The following ADAM9 variants were observed in gnomAD, a reference collection of about 807,000 sequenced individuals.
The protein encoded by ADAM9 is ADAM metallopeptidase domain 9, also known as disintegrin and metalloproteinase domain-containing protein 9.
In ADAM9, 54 loss-of-function variants were observed where a neutral mutation model predicts 108.1. The ratio of observed to expected loss-of-function variants is 0.50; its 90% CI spans 0.40 to 0.63. The LOEUF is 0.63. Among genes scored for constraint, ADAM9 ranks in the 20% least tolerant of loss-of-function variants. The probability of loss-of-function intolerance (pLI) is 0.00; values close to 1 mark genes in which losing one functional copy is unlikely to be tolerated. For synonymous variants in ADAM9, 316 were observed against 336.0 expected (o/e 0.94, Z 0.65); for missense variants, 830 against 997.7 (o/e 0.83, Z 2.26).
chr8:39,059,928 C>T (rs781131883), intron 14 of ADAM9, among the ~76,000 whole-genome samples: 3 of 152,188 alleles, frequency 2.0e-5, no homozygotes, highest in Non-Finnish European at 4.4e-5. Context: ...GGAGCAGGGG[C>T]ATGTGGGGCA....
chr8:38,999,249 T>C lies in ADAM9; in HGVS notation c.97+2089T>C, dbSNP rs566607690. 4.9e-4 allele frequency among the ~76,000 whole-genome samples: 75 copies of C among 152,236 alleles called. No individual in the cohort carries two copies. The South Asian group carries it at 8.7e-3, about 18-fold the overall frequency. On this transcript the variant is annotated intron_variant, in intron 1 of 21. Coordinates refer to ENST00000487273, the MANE Select transcript of ADAM9 (RefSeq NM_003816.3). ...TACATTAGGAGTTAATTAGGTTTTA[T>C]AGGATTTTTACTACCTTTTATAACA...
intron 14 of ADAM9, among the ~76,000 whole-genome samples, chr8:39,069,714 A>G (rs530861251): frequency 6.6e-4 from 100 of 152,324 alleles, no homozygotes; most frequent in Non-Finnish European, 1.2e-3. Flanking sequence ...ACATTGTTAA[A>G]GGAAAATAAC....
At chr8:39,082,390 A>T (rs925431894) in intron 16 of ADAM9, among the ~76,000 whole-genome samples, 23 of 152,262 alleles carry the variant, frequency 1.5e-4, no homozygotes, top group Middle Eastern at 3.4e-3. Context: ...ACATGGAAGG[A>T]TAGATAATAG....
chr8:39,048,609 A>C (rs1233726613), intron 12 of ADAM9, among the ~76,000 whole-genome samples: 1 of 152,104 alleles, frequency 6.6e-6, no homozygotes, highest in East Asian at 1.9e-4. Flanking sequence ...AGTGTTGTTC[A>C]AGTCCTGTGT....
At chr8:39,045,393 TACAC>T (rs1198758196) in intron 12 of ADAM9, among the ~76,000 whole-genome samples, 3 of 146,254 alleles carry the variant, frequency 2.1e-5, no homozygotes, top group African/African-American at 2.6e-5. Flanking sequence ...TAGGTGTGTG[TACAC>T]ACACCTATAT....
chr8:39,037,829 T>C (rs1258966805), intron 11 of ADAM9, among the ~76,000 whole-genome samples: 3 of 152,252 alleles, frequency 2.0e-5, no homozygotes, highest in Non-Finnish European at 4.4e-5. Context: ...CTTCTTTGTT[T>C]ATCAAATAAT....
intron 1 of ADAM9, among the ~76,000 whole-genome samples, chr8:39,000,118 G>A (rs113260399): frequency 1.8e-3 from 275 of 151,408 alleles, no homozygotes; most frequent in African/African-American, 6.3e-3. Context: ...TTCACCTCCC[G>A]AGTTCAAGCA....
intron 14 of ADAM9, among the ~76,000 whole-genome samples, chr8:39,063,709 A>G (rs909922388): frequency 6.6e-5 from 10 of 152,156 alleles, no homozygotes; most frequent in Non-Finnish European, 1.2e-4. Context: ...GCAACAGAGC[A>G]AGACTCTGTC....
intron 12 of ADAM9, among the ~76,000 whole-genome samples, chr8:39,045,592 G>A (rs546704842): frequency 7.0e-6 from 1 of 142,192 alleles, no homozygotes; most frequent in African/African-American, 3.0e-5. Context: ...ATATATAAAA[G>A]ATTTTTCTCA....
intron 14 of ADAM9, among the ~76,000 whole-genome samples, chr8:39,064,807 A>G (rs1838404688): frequency 6.6e-6 from 1 of 152,168 alleles, no homozygotes; most frequent in Non-Finnish European, 1.5e-5. Context: ...TTTGGACTAA[A>G]TACTTGATTG....
intron 16 of ADAM9, among the ~76,000 whole-genome samples, chr8:39,079,741 T>C (rs1346353836): frequency 6.6e-6 from 1 of 152,112 alleles, no homozygotes; most frequent in East Asian, 1.9e-4. Context: ...TCTGCCACCA[T>C]GTCTGGCTAA....
rs200590232 is a variant in ADAM9 at position 39,045,183 on chromosome 8, T to C, written c.1302+3066T>C. 3.5e-4 allele frequency among the ~76,000 whole-genome samples: 40 copies of C among 112,792 alleles called. 1 individual carries two copies. In the East Asian group the frequency reaches 3.7e-3, roughly 10 times the overall value. The allele number at this position is 112,792 out of a possible 152,430, so 74.0% of individuals were successfully genotyped here. Reference sequence around the variant, plus strand: ...ACATACATATATGTGTATATATGTGTATACATACATATATGTGTATATATG... The same window carrying C: ...ACATACATATATGTGTATATATGTGCATACATACATATATGTGTATATATG... On this transcript the variant is annotated intron_variant, in intron 12 of 21. Transcript: ENST00000487273.
Position 39,072,391 on chromosome 8 carries a change from C to G in ADAM9, c.1697+988C>G, listed in dbSNP as rs536347799. ...GAAATAGCAACAAAGACCCCCATGT[C>G]ACTCAATCTGACAGTCGTTTTTAGG... On this transcript the variant is annotated intron_variant, in intron 15 of 21. Coordinates refer to ENST00000487273, the MANE Select transcript of ADAM9 (RefSeq NM_003816.3). 1.8e-4 allele frequency among the ~76,000 whole-genome samples: 27 copies of G among 152,344 alleles called. No homozygotes were observed. The South Asian group carries it at 4.6e-3, about 26-fold the overall frequency.
Position 39,026,756 on chromosome 8 carries a change from A to T in ADAM9, c.1076A>T (p.Asp359Val). ...CATAATCTTGGAATGAATCACGATG[A>T]TGGGAGAGATTGTTCCTGTGGAGCA... Reference protein sequence around the residue: ...LGHNLGMNHDDGRDCSCGAKS... With the variant: ...LGHNLGMNHDVGRDCSCGAKS... The change falls in exon 11 of 22, where the codon GAT becomes GTT. Residue 359 changes from aspartate to valine, a missense_variant. By Grantham distance (152) the Asp-to-Val change is radical (BLOSUM62 -3). Transcript: ENST00000487273. 1 of 1,614,158 alleles carries T rather than the reference A, an allele frequency of 6.2e-7. No individual in the cohort carries two copies. Among genetic ancestry groups the T allele is most frequent in the Non-Finnish European group, 8.5e-7 (1 of 1,180,006 alleles).
In ADAM9 at chr8:39,104,098, CA is replaced by C. The variant is rs1839787265; in HGVS notation, c.*399del. ...CTTAGTTATCATTAATGTAGTTCCT[CA>C]TTGAACATGTGATAATCTAATACCT... On this transcript the variant is annotated 3_prime_UTR_variant, in exon 22 of 22. Transcript: ENST00000487273. 1 of 457,706 alleles carries C rather than the reference CA, an allele frequency of 2.2e-6. No individual in the cohort carries two copies. The highest frequency in any genetic ancestry group is 2.0e-5 in the African/African-American group (1 of 50,182). 28.4% of individuals were successfully genotyped at this position (457,706 alleles called of 1,614,324 possible). A position where few individuals can be genotyped will look rare whatever the true frequency, so the allele number is the denominator to read the frequency against.
chr8:39,086,086 C>T (rs887123974), intron 18 of ADAM9, among the ~76,000 whole-genome samples: 2 of 152,036 alleles, frequency 1.3e-5, no homozygotes, highest in Non-Finnish European at 2.9e-5. Context: ...ATGATCTTGG[C>T]TCATGGCAAT....
At chr8:39,045,588 A>ATATATATATATATATATATAT (rs1564303183) in intron 12 of ADAM9, among the ~76,000 whole-genome samples, 2 of 150,558 alleles carry the variant, frequency 1.3e-5, no homozygotes, top group African/African-American at 4.9e-5. Context: ...ATATATATAT[A>ATATATATATATATATATATAT]AAAGATTTTT....
intron 12 of ADAM9, among the ~76,000 whole-genome samples, chr8:39,045,069 C>CCT (rs1381364345): frequency 0.026 from 483 of 18,658 alleles, 12 homozygotes; most frequent in East Asian, 0.16. Context: ...TGCATACATA[C>CCT]ATATGTGTGT....
At chr8:39,015,973 A>G (rs1024230741) in intron 4 of ADAM9, 145 bp from the exon 5 acceptor site, 10 of 725,412 alleles carry the variant, frequency 1.4e-5, no homozygotes, top group Non-Finnish European at 2.4e-5. Context: ...ATGCCATGTG[A>G]TACTGTGAGA....
Sources: allele counts gnomAD v4.1 joint callset (sites outside exome capture counted in the v4.1 genomes callset), GRCh38; gene constraint gnomAD v4.1.1; transcripts MANE v1.5; gene names NCBI Gene and HGNC (gene_info 2026-07-23, HGNC 2026-07-21).